The following COL13A1 variants were observed in gnomAD, a reference collection of about 807,000 sequenced individuals.
The protein encoded by COL13A1 is collagen type XIII alpha 1 chain, also known as collagen alpha-1(XIII) chain.
Under a neutral mutation model 130.9 loss-of-function variants are expected in COL13A1, and 89 were observed. The observed-to-expected ratio is 0.68, with a 90% CI of 0.57 to 0.81. COL13A1 has a LOEUF of 0.81. Among genes scored for constraint, COL13A1 ranks in the 30% least tolerant of loss-of-function variants. The pLI is 0.00. For missense variants in COL13A1, 879 were observed against 934.6 expected (o/e 0.94, Z 0.78); for synonymous variants, 402 against 341.6 (o/e 1.18, Z -1.95).
At chr10:69,896,483 G>A (rs975778769) in intron 13 of COL13A1, among the ~76,000 whole-genome samples, 9 of 152,054 alleles carry the variant, frequency 5.9e-5, no homozygotes, top group African/African-American at 9.7e-5. Flanking sequence ...ATCTCTCCCC[G>A]CTGTCATGTG....
At chr10:69,912,817 CAACA>C (rs1239063659) in intron 17 of COL13A1, among the ~76,000 whole-genome samples, 1 of 152,188 alleles carries the variant, frequency 6.6e-6, no homozygotes, top group East Asian at 1.9e-4. Context: ...CCAGCTTGTT[CAACA>C]AACAGTAAAT....
chr10:69,860,489 A>C (rs1857695453), intron 2 of COL13A1, among the ~76,000 whole-genome samples: 1 of 152,132 alleles, frequency 6.6e-6, no homozygotes, highest in African/African-American at 2.4e-5. Flanking sequence ...GAACTCAGCC[A>C]CTTCCTGCTC....
intron 34 of COL13A1, among the ~76,000 whole-genome samples, chr10:69,939,529 A>C (rs746753905): frequency 6.6e-6 from 1 of 152,156 alleles, no homozygotes; most frequent in Non-Finnish European, 1.5e-5. Context: ...TTTAGCTACC[A>C]TTCTGTTTCC....
At chr10:69,898,612 C>T in intron 13 of COL13A1, 85 bp from the exon 14 acceptor site, 1 of 1,197,166 alleles carries the variant, frequency 8.4e-7, no homozygotes, top group South Asian at 1.4e-5. Context: ...GTTGCCCTGC[C>T]CTCCTGGTGA....
chr10:69,902,603 C>T (rs889949745), intron 14 of COL13A1, 145 bp from the exon 15 acceptor site: 37 of 597,432 alleles, frequency 6.2e-5, no homozygotes, highest in Non-Finnish European at 4.8e-5. Flanking sequence ...GCATCATCAC[C>T]ATCATGCCAC....
intron 13 of COL13A1, among the ~76,000 whole-genome samples, chr10:69,897,845 A>T (rs1447134488): frequency 6.6e-6 from 1 of 152,222 alleles, no homozygotes; most frequent in Non-Finnish European, 1.5e-5. Flanking sequence ...ATGGGCTCTG[A>T]TGGCCTCCTA....
intron 7 of COL13A1, among the ~76,000 whole-genome samples, chr10:69,884,152 T>A (rs938034759): frequency 1.3e-5 from 2 of 152,164 alleles, no homozygotes; most frequent in African/African-American, 4.8e-5. Flanking sequence ...ATGGGAACTG[T>A]CATCTGCTGC....
intron 2 of COL13A1, among the ~76,000 whole-genome samples, chr10:69,833,899 A>T (rs10823437): frequency 0.063 from 9,583 of 152,142 alleles, 412 homozygotes; most frequent in East Asian, 0.12. Context: ...AGGGAGTTGG[A>T]CACCACCCTG....
rs529644813 is a variant in COL13A1 at position 69,856,793 on chromosome 10, T to C, written c.365-11005T>C. The stretch of plus-strand genomic sequence containing the variant: ...GGGTGGAGCAGGAAGTCCCTCCCCT[T>C]GAGAAGATATCTCTAGGTCCTGTGG... On this transcript the variant is annotated intron_variant, in intron 2 of 40. Transcript: ENST00000645393. Among the ~76,000 whole-genome samples, 6 of 152,302 alleles carry C rather than the reference T, an allele frequency of 3.9e-5. No individual in the cohort carries two copies. The South Asian group carries it at 1.2e-3, about 32-fold the overall frequency.
intron 17 of COL13A1, among the ~76,000 whole-genome samples, chr10:69,914,372 G>A (rs1303503402): frequency 1.3e-5 from 2 of 152,004 alleles, no homozygotes; most frequent in Non-Finnish European, 2.9e-5. Context: ...GCTGTGCAGG[G>A]GAGCAGAGAA....
intron 1 of COL13A1, among the ~76,000 whole-genome samples, chr10:69,810,376 G>GAGAGAGAGAGACACAGAGAC (rs1230051691): frequency 0.038 from 5,093 of 133,448 alleles, 318 homozygotes; most frequent in African/African-American, 0.08. Context: ...GAGAGAGAGA[G>GAGAGAGAGAGACACAGAGAC]AGAGACAGAG....
chr10:69,896,646 G>A (rs761462738), intron 13 of COL13A1, among the ~76,000 whole-genome samples: 95 of 152,212 alleles, frequency 6.2e-4, no homozygotes, highest in Non-Finnish European at 1.0e-3. Flanking sequence ...CCTAGCCTCT[G>A]CCCAGACCCT....
intron 32 of COL13A1, 138 bp downstream of exon 32, chr10:69,935,529 C>A: frequency 3.2e-6 from 2 of 623,978 alleles, no homozygotes; most frequent in Non-Finnish European, 5.5e-6. Flanking sequence ...CCCCTCCCCG[C>A]TCCTTTTCCC....
At position 69,872,160 on chromosome 10, in the gene COL13A1, C is replaced by T. The variant is rs151275519; in HGVS notation, c.373-24C>T. On this transcript the variant is annotated intron_variant, in intron 3 of 40. Coordinates refer to ENST00000645393, the MANE Select transcript of COL13A1 (RefSeq NM_001368882.1). The stretch of plus-strand genomic sequence containing the variant: ...GGTGTTACGATACCTGCCTGACCTA[C>T]GTAAACGTCACTCTTCATTTCAGGG... 106 of 1,613,996 alleles carry T rather than the reference C, an allele frequency of 6.6e-5. 1 individual carries two copies. The East Asian group carries it at 2.1e-3, about 32-fold the overall frequency.
At chr10:69,835,372 C>T (rs1849779035) in intron 2 of COL13A1, among the ~76,000 whole-genome samples, 1 of 152,070 alleles carries the variant, frequency 6.6e-6, no homozygotes. Context: ...GGATGCAGTC[C>T]CTGGCTCTTC....
intron 2 of COL13A1, chr10:69,824,039 G>A: frequency 2.1e-6 from 1 of 468,190 alleles, no homozygotes; most frequent in Admixed American, 2.4e-5. Context: ...GTCAAGGGCA[G>A]GATATTTGAA....
chr10:69,849,461 G>A (rs544295778), intron 2 of COL13A1, among the ~76,000 whole-genome samples: 3 of 152,372 alleles, frequency 2.0e-5, no homozygotes, highest in East Asian at 1.9e-4. Context: ...TGTCTCTGGG[G>A]AGAGTGGTGG....
rs2068085450 is a variant in COL13A1 at position 69,944,162 on chromosome 10, G to A, written c.1952G>A (p.Gly651Glu). 5 of 1,613,692 alleles carry A rather than the reference G, an allele frequency of 3.1e-6. No homozygotes were observed. Among genetic ancestry groups the A allele is most frequent in the Admixed American group, 1.7e-5 (1 of 60,004 alleles). ...CCAATTGGAGTTCCAGGCCCAGCGG[G>A]ACCAAAGGGCGAGAGGGTGAGTGTC... ...PGPIGVPGPA[G>E]PKGERGSKGD... Residue 651 changes from glycine (G) to glutamate (E), a missense_variant, in exon 36 of 41, where the codon GGA becomes GAA. By Grantham distance (98) the Gly-to-Glu change is moderately conservative. Around this residue, in one of 3 missense-constraint regions of COL13A1, gnomAD observed 96 missense variants for 147.7 expected, o/e 0.65. Coordinates refer to ENST00000645393, the MANE Select transcript of COL13A1 (RefSeq NM_001368882.1).
chr10:69,874,032 T>A (rs553644352), intron 4 of COL13A1, among the ~76,000 whole-genome samples: 2 of 152,230 alleles, frequency 1.3e-5, no homozygotes, highest in African/African-American at 4.8e-5. Context: ...TCCACAGAAC[T>A]GATGCTCAGA....
Sources: allele counts gnomAD v4.1 joint callset (sites outside exome capture counted in the v4.1 genomes callset), GRCh38; gene constraint gnomAD v4.1.1; regional missense constraint gnomAD v4.1.1; transcripts MANE v1.5; gene names NCBI Gene and HGNC (gene_info 2026-07-23, HGNC 2026-07-21).